DNAJB6: variants seen among roughly 807,000 people sequenced by gnomAD.
DNAJB6 encodes dnaJ homolog subfamily B member 6.
Under a neutral mutation model 42.7 loss-of-function variants are expected in DNAJB6, and 16 were observed. The ratio of observed to expected loss-of-function variants is 0.37; its 90% CI spans 0.25 to 0.57. The LOEUF is 0.57. DNAJB6 is among the 20% of genes least tolerant of loss of function. The probability of loss-of-function intolerance (pLI) is 0.74; values close to 1 mark genes in which losing one functional copy is unlikely to be tolerated. For missense variants in DNAJB6, 347 were observed against 416.8 expected (o/e 0.83, Z 1.46); for synonymous variants, 170 against 163.5 (o/e 1.04, Z -0.30).
At chr7:157,343,497 C>G (rs1166421021) in intron 1 of DNAJB6, among the ~76,000 whole-genome samples, 1 of 151,920 alleles carries the variant, frequency 6.6e-6, no homozygotes, top group Non-Finnish European at 1.5e-5. Context: ...GAGATGGAGT[C>G]TTGCTCTGTT....
intron 5 of DNAJB6, chr7:157,381,052 A>G (rs1279395049): frequency 1.3e-5 from 2 of 152,022 alleles, no homozygotes; most frequent in Admixed American, 1.3e-4. Flanking sequence ...GCCTGGATTC[A>G]AACTCCTGAG....
At chr7:157,410,351 G>C (rs1421185989) in intron 9 of DNAJB6, 1 of 438,890 alleles carries the variant, frequency 2.3e-6, no homozygotes, top group Non-Finnish European at 3.9e-6. Context: ...CTGTGGCTTA[G>C]GCCGGGTGGT....
chr7:157,397,491 G>A lies in DNAJB6; in HGVS notation c.691+11880G>A, dbSNP rs531084902. On this transcript the variant is annotated intron_variant, in intron 8 of 9. Coordinates refer to ENST00000262177, the MANE Select transcript of DNAJB6 (RefSeq NM_058246.4). ...GGGAATCTTTTGGCCTTTTGTTGGC[G>A]GGGTTTCGTGAGCCTCTTATGCTGG... is the stretch of plus-strand genomic sequence containing the variant. Among the ~76,000 whole-genome samples, 9 of 152,302 alleles carry A rather than the reference G, an allele frequency of 5.9e-5. No individual in the cohort carries two copies. In the East Asian group the frequency reaches 1.2e-3, roughly 20 times the overall value.
rs1470334060 is a variant in DNAJB6, at chr7:157,337,040, C to G, written c.-131C>G. On this transcript the variant is annotated 5_prime_UTR_variant, in exon 1 of 10. Coordinates refer to ENST00000262177, the MANE Select transcript of DNAJB6 (RefSeq NM_058246.4). ...TGGAGAAAGGAGAGAAAGGAAAGCG[C>G]GAGGAGCCGCCGCCACCACCAGCGC... The G allele has an allele frequency of 6.6e-6, 1 of 152,372 alleles. No homozygotes were observed. Among genetic ancestry groups the G allele is most frequent in the Non-Finnish European group, 1.5e-5 (1 of 68,176 alleles). 9.4% of individuals were successfully genotyped at this position (152,372 alleles called of 1,614,324 possible).
rs367826718 is a variant in DNAJB6 at position 157,407,294 on chromosome 7, C to T, written c.692-2501C>T. Among the ~76,000 whole-genome samples the T allele has an allele frequency of 1.5e-3, 228 of 152,288 alleles. 2 individuals are homozygous for T. The highest frequency in any genetic ancestry group is 4.9e-3 in the African/African-American group (205 of 41,578). ...TGGGCACGGGGGGCTGTGACTGGGC[C>T]AGGCAGGGGCGGCTCTTCTGGCGGC... is the stretch of plus-strand genomic sequence containing the variant. On this transcript the variant is annotated intron_variant, in intron 8 of 9. Coordinates refer to ENST00000262177, the MANE Select transcript of DNAJB6 (RefSeq NM_058246.4).
chr7:157,401,637 T>C (rs988524349), intron 8 of DNAJB6, among the ~76,000 whole-genome samples: 3 of 152,216 alleles, frequency 2.0e-5, no homozygotes, highest in African/African-American at 7.2e-5. Flanking sequence ...TTTGGGGACA[T>C]GGTTCAGCTT....
At chr7:157,350,057 G>A (rs1798888018) in intron 1 of DNAJB6, among the ~76,000 whole-genome samples, 1 of 152,124 alleles carries the variant, frequency 6.6e-6, no homozygotes, top group Non-Finnish European at 1.5e-5. Context: ...CAGAACACTG[G>A]GATTACAGGC....
chr7:157,370,159 C>T (rs745458429), intron 5 of DNAJB6, among the ~76,000 whole-genome samples: 14 of 143,746 alleles, frequency 9.7e-5, no homozygotes, highest in Non-Finnish European at 1.6e-4. Flanking sequence ...TAAACGGGCC[C>T]CTTCTTAACA....
chr7:157,369,285 G>C (rs979974423), intron 5 of DNAJB6: 1 of 456,508 alleles, frequency 2.2e-6, no homozygotes, highest in African/African-American at 2.0e-5. Context: ...AATAATTTAC[G>C]GATTGATCTC....
chr7:157,363,905 G>A (rs2116977653), intron 3 of DNAJB6, among the ~76,000 whole-genome samples: 1 of 152,196 alleles, frequency 6.6e-6, no homozygotes, highest in South Asian at 2.1e-4. Context: ...TGTGCATGGG[G>A]CCTGGGGTGG....
At chr7:157,406,647 A>G (rs1200088564) in intron 8 of DNAJB6, among the ~76,000 whole-genome samples, 1 of 151,982 alleles carries the variant, frequency 6.6e-6, no homozygotes, top group African/African-American at 2.4e-5. Flanking sequence ...TGGAGCCTGC[A>G]CCTTTCTCCC....
At chr7:157,352,037 A>C (rs1168315598) in intron 1 of DNAJB6, among the ~76,000 whole-genome samples, 2 of 151,818 alleles carry the variant, frequency 1.3e-5, no homozygotes, top group Non-Finnish European at 2.9e-5. Flanking sequence ...AAAACTTCTC[A>C]ATTTAAAATA....
rs866734649 is a variant in DNAJB6 at position 157,357,256 on chromosome 7, T to G, written c.-26-1291T>G. 2.1e-3 allele frequency among the ~76,000 whole-genome samples: 157 copies of G among 74,894 alleles called. 11 individuals are homozygous for G. Among genetic ancestry groups the G allele is most frequent in the East Asian group, 4.3e-3 (7 of 1,626 alleles). 49.1% of individuals were successfully genotyped at this position (74,894 alleles called of 152,430 possible). On this transcript the variant is annotated intron_variant, in intron 1 of 9. Transcript: ENST00000262177. ...CTTCCTTCCTTCCTTCCTTCCTTCCTTCCTTCCGTCCTTCCTTCCGTCCTT... is the reference window on the plus strand; with the variant it reads ...CTTCCTTCCTTCCTTCCTTCCTTCCGTCCTTCCGTCCTTCCTTCCGTCCTT...
At chr7:157,338,232 C>T (rs1170200210) in intron 1 of DNAJB6, among the ~76,000 whole-genome samples, 1 of 152,132 alleles carries the variant, frequency 6.6e-6, no homozygotes, top group African/African-American at 2.4e-5. Context: ...AATAGTGTTG[C>T]GTATCAGAAC....
intron 1 of DNAJB6, among the ~76,000 whole-genome samples, chr7:157,352,559 T>C (rs771563412): frequency 5.3e-5 from 8 of 152,010 alleles, no homozygotes; most frequent in Non-Finnish European, 1.0e-4. Context: ...GGGTGTGGCA[T>C]CTCTGCAGAT....
chr7:157,367,586 C>T (rs146237501), intron 5 of DNAJB6, 103 bp downstream of exon 5: 15 of 780,424 alleles, frequency 1.9e-5, no homozygotes, highest in African/African-American at 8.5e-5. Flanking sequence ...TTAGGCTGGG[C>T]GCGGTGGCTC....
At chr7:157,408,662 C>T (rs995249615) in intron 8 of DNAJB6, among the ~76,000 whole-genome samples, 1 of 152,254 alleles carries the variant, frequency 6.6e-6, no homozygotes, top group Admixed American at 6.5e-5. Flanking sequence ...CACATTTGAG[C>T]TCCTGGGGGC....
At chr7:157,398,888 C>T (rs1171436984) in intron 8 of DNAJB6, among the ~76,000 whole-genome samples, 2 of 152,108 alleles carry the variant, frequency 1.3e-5, no homozygotes, top group African/African-American at 2.4e-5. Flanking sequence ...TTGCCTTTTC[C>T]GTACAAATTG....
intron 3 of DNAJB6, among the ~76,000 whole-genome samples, chr7:157,365,592 C>T (rs900849171): frequency 3.9e-5 from 6 of 152,068 alleles, no homozygotes; most frequent in Non-Finnish European, 8.8e-5. Flanking sequence ...TGTACTTGGT[C>T]GTGTGATTTT....
Sources: gnomAD v4.1 joint callset for allele counts (sites outside exome capture counted in the v4.1 genomes callset) on GRCh38, gnomAD v4.1.1 for gene constraint, MANE v1.5 for transcripts, NCBI Gene and HGNC (gene_info 2026-07-23, HGNC 2026-07-21) for gene names.